The following LIPI variants were observed in gnomAD, a reference collection of about 807,000 sequenced individuals.
The protein encoded by LIPI is lipase member I.
LIPI carries 59 observed loss-of-function variants against 50.6 expected under a neutral mutation model. The observed-to-expected ratio is 1.16, with a 90% CI of 0.94 to 1.45. LIPI has a LOEUF of 1.45. LIPI is among the 40% of genes most tolerant of loss of function. The pLI, the probability that LIPI is intolerant of heterozygous loss-of-function variation, is 0.00. For synonymous variants in LIPI, 203 were observed against 178.2 expected (o/e 1.14, Z -1.11); for missense variants, 586 against 536.3 (o/e 1.09, Z -0.92).
At chr21:14,192,010 CAT>C (rs374760267) in intron 1 of LIPI, among the ~76,000 whole-genome samples, 15 of 152,314 alleles carry the variant, frequency 9.8e-5, no homozygotes, top group African/African-American at 3.6e-4. Flanking sequence ...AACCAACTCC[CAT>C]ATGACTCCAC....
intron 1 of LIPI, among the ~76,000 whole-genome samples, chr21:14,190,180 T>C (rs1346590478): frequency 6.6e-6 from 1 of 152,138 alleles, no homozygotes; most frequent in Non-Finnish European, 1.5e-5. Context: ...TCTATATACT[T>C]ATCTATCTAC....
chr21:14,110,644 G>T (rs111238502), intron 9 of LIPI, among the ~76,000 whole-genome samples: 3 of 151,622 alleles, frequency 2.0e-5, no homozygotes, highest in South Asian at 2.1e-4. Context: ...CCTCCCAACT[G>T]CCCAGCCTCT....
chr21:14,167,916 C>T (rs13048442), intron 4 of LIPI, among the ~76,000 whole-genome samples: 39,543 of 151,998 alleles, frequency 0.26, 5,408 homozygotes, highest in Middle Eastern at 0.35. Flanking sequence ...CAAATTACTC[C>T]GAACTACGGG....
intron 1 of LIPI, among the ~76,000 whole-genome samples, chr21:14,200,357 A>G (rs1043614114): frequency 2.0e-5 from 3 of 152,028 alleles, no homozygotes; most frequent in Non-Finnish European, 4.4e-5. Flanking sequence ...AAAACCCTAT[A>G]GTCTCTGCCC....
intron 2 of LIPI, 148 bp downstream of exon 2, chr21:14,188,886 G>C: frequency 1.5e-6 from 1 of 685,092 alleles, no homozygotes; most frequent in Non-Finnish European, 2.5e-6. Context: ...GCATACATTG[G>C]TATATCAAAC....
Position 14,201,167 on chromosome 21 carries a change from A to G in LIPI, c.46+9633T>C, listed in dbSNP as rs188310881. Among the ~76,000 whole-genome samples, 15 of 152,264 alleles carry G rather than the reference A, an allele frequency of 9.9e-5. No individual in the cohort carries two copies. The East Asian group carries it at 2.7e-3, about 27-fold the overall frequency. The stretch of plus-strand genomic sequence containing the variant: ...CAACACTACAAAAGCCCTGAAAGAC[A>G]ACTTAGGCAATACCATTCAGAACAT... On this transcript the variant is annotated intron_variant, in intron 1 of 9. Transcript: ENST00000681601.
chr21:14,163,305 C>T, intron 7 of LIPI, 114 bp downstream of exon 7: 1 of 616,474 alleles, frequency 1.6e-6, no homozygotes. Context: ...TTTAAATTTG[C>T]CTGAAAGAAC....
At chr21:14,185,247 C>T (rs2123262398) in intron 3 of LIPI, among the ~76,000 whole-genome samples, 1 of 152,154 alleles carries the variant, frequency 6.6e-6, no homozygotes, top group East Asian at 1.9e-4. Flanking sequence ...ACTCCTGATT[C>T]TTTTGTAGCA....
intron 4 of LIPI, among the ~76,000 whole-genome samples, chr21:14,168,829 A>T (rs1426165947): frequency 1.3e-5 from 2 of 152,198 alleles, no homozygotes. Flanking sequence ...ATAACCAGCT[A>T]ACATAATGAC....
chr21:14,138,713 TG>T (rs1307138002), intron 9 of LIPI, among the ~76,000 whole-genome samples: 42 of 152,194 alleles, frequency 2.8e-4, no homozygotes, highest in Non-Finnish European at 5.3e-4. Flanking sequence ...CCATAATCAA[TG>T]TATAAATTAC....
chr21:14,161,057 AT>A (rs1370816616), intron 7 of LIPI, among the ~76,000 whole-genome samples: 1 of 151,384 alleles, frequency 6.6e-6, no homozygotes, highest in Non-Finnish European at 1.5e-5. Flanking sequence ...CTCCAAAAAA[AT>A]GTTAAATTTT....
intron 7 of LIPI, among the ~76,000 whole-genome samples, chr21:14,161,622 A>T (rs187091145): frequency 0.052 from 5,024 of 95,778 alleles, 533 homozygotes; most frequent in African/African-American, 0.11. Flanking sequence ...ATACATATAT[A>T]ATATATTAAT....
rs368753110 is a variant in LIPI, at chr21:14,109,002, C to T, written c.1374G>A (p.Lys458=). The change falls in exon 10 of 10, where the codon AAG becomes AAA. Residue 458 remains lysine, a synonymous_variant. Transcript: ENST00000681601. ...GATGGAAGAAGGCATCTTATGTGTTCTTTGGTGTACATGTGTTTGGATTAA... is the reference window on the plus strand; with the variant it reads ...GATGGAAGAAGGCATCTTATGTGTTTTTTGGTGTACATGTGTTTGGATTAA... The part of the protein sequence containing the change: ...VFLNPNTCTP[K]NT The T allele has an allele frequency of 6.2e-7, 1 of 1,609,586 alleles. No homozygotes were observed. The highest frequency in any genetic ancestry group is 8.5e-7 in the Non-Finnish European group (1 of 1,176,332).
intron 9 of LIPI, among the ~76,000 whole-genome samples, chr21:14,123,475 AC>A (rs538061133): frequency 7.8e-4 from 119 of 152,272 alleles, no homozygotes; most frequent in African/African-American, 2.8e-3. Context: ...GGACAATAAG[AC>A]CATCCTTCCT....
chr21:14,121,580 T>C (rs1385870096), intron 9 of LIPI, among the ~76,000 whole-genome samples: 5 of 152,184 alleles, frequency 3.3e-5, no homozygotes, highest in Admixed American at 1.3e-4. Context: ...CTGTTAGCCT[T>C]ACAGATGCAA....
chr21:14,181,705 T>C lies in LIPI; in HGVS notation c.643+53A>G, dbSNP rs938699362. On this transcript the variant is annotated intron_variant, in intron 4 of 9. Transcript: ENST00000681601. Reference sequence around the variant, plus strand: ...TTATGCCCTCCTCTTGCCCAAGGTCTACATTTTCCTTTTCATTTTCAAATA... The same window carrying C: ...TTATGCCCTCCTCTTGCCCAAGGTCCACATTTTCCTTTTCATTTTCAAATA... The C allele has an allele frequency of 3.8e-5, 42 of 1,096,714 alleles. No individual in the cohort carries two copies. In the Middle Eastern group the frequency reaches 5.9e-4, roughly 15 times the overall value. 67.9% of individuals were successfully genotyped at this position (1,096,714 alleles called of 1,614,324 possible).
At position 14,108,843 on chromosome 21, in the gene LIPI, TTTTC is replaced by T. The variant is rs2016293039; in HGVS notation, c.*146_*149del. 2.3e-6 allele frequency: 2 copies of T among 887,496 alleles called. No homozygotes were observed. The highest frequency in any genetic ancestry group is 3.4e-6 in the Non-Finnish European group (2 of 581,006). The allele number at this position is 887,496 out of a possible 1,614,324, so 55.0% of individuals were successfully genotyped here. Reference sequence around the variant, plus strand: ...AATGTTTAACTGTATGCATTTTTTATTTTCTTTATTTTTGATTCTTAAAATTTTT... The same window carrying T: ...AATGTTTAACTGTATGCATTTTTTATTTTATTTTTGATTCTTAAAATTTTT... On this transcript the variant is annotated 3_prime_UTR_variant, in exon 10 of 10. Coordinates refer to ENST00000681601, the MANE Select transcript of LIPI (RefSeq NM_001302998.2).
intron 1 of LIPI, among the ~76,000 whole-genome samples, chr21:14,197,468 T>G (rs1341854587): frequency 1.3e-5 from 2 of 152,062 alleles, no homozygotes. Context: ...AAGAATTTCA[T>G]AATGCAATCA....
In LIPI at chr21:14,153,498, T is replaced by A. The variant is rs187128764; in HGVS notation, c.1007-814A>T. 2.7e-3 allele frequency among the ~76,000 whole-genome samples: 411 copies of A among 152,262 alleles called. 1 individual carries two copies. The highest frequency in any genetic ancestry group is 7.1e-3 in the South Asian group (34 of 4,816). On this transcript the variant is annotated intron_variant, in intron 7 of 9. Transcript: ENST00000681601. ...GCACAGAATATTGAGATGTTACAGATTAAGCCACCCTCCCACTATAAATAC... is the reference window on the plus strand; with the variant it reads ...GCACAGAATATTGAGATGTTACAGAATAAGCCACCCTCCCACTATAAATAC...
Sources: gnomAD v4.1 joint callset for allele counts (sites outside exome capture counted in the v4.1 genomes callset) on GRCh38, gnomAD v4.1.1 for gene constraint, MANE v1.5 for transcripts, NCBI Gene and HGNC (gene_info 2026-07-23, HGNC 2026-07-21) for gene names.